ROBO1: variants seen among roughly 807,000 people sequenced by gnomAD.
The protein encoded by ROBO1 is roundabout guidance receptor 1, also known as roundabout homolog 1.
A neutral mutation model predicts 195.9 loss-of-function variants in ROBO1; 149 were observed. The observed-to-expected ratio is 0.76, with a 90% CI of 0.67 to 0.87. ROBO1 has a LOEUF of 0.87. Among genes scored for constraint, ROBO1 ranks in the 40% least tolerant of loss-of-function variants. The pLI is 0.00. For synonymous variants in ROBO1, 816 were observed against 733.2 expected (o/e 1.11, Z -1.82); for missense variants, 1,933 against 2,068.3 (o/e 0.93, Z 1.27).
rs1441076618 is a variant in ROBO1 at position 78,714,834 on chromosome 3, A to G, written c.918-310T>C. Reference sequence around the variant, plus strand: ...AGTGACCATTAATTAAATTCTTACCATTTGCCAGACTTTAAATGTTTTATA... The same window carrying G: ...AGTGACCATTAATTAAATTCTTACCGTTTGCCAGACTTTAAATGTTTTATA... On this transcript the variant is annotated intron_variant, in intron 7 of 30. Transcript: ENST00000464233. The G allele has an allele frequency of 1.1e-4, 25 of 226,680 alleles. No homozygotes were observed. In the East Asian group the frequency reaches 2.1e-3, roughly 19 times the overall value. 14.0% of individuals were successfully genotyped at this position (226,680 alleles called of 1,614,324 possible). A position where few individuals can be genotyped will look rare whatever the true frequency, so the allele number is the denominator to read the frequency against.
At chr3:79,293,638 C>G (rs1016552591) in intron 2 of ROBO1, among the ~76,000 whole-genome samples, 7 of 152,108 alleles carry the variant, frequency 4.6e-5, no homozygotes, top group African/African-American at 1.7e-4. Flanking sequence ...AGGACATGAA[C>G]AAATGGAGAA....
chr3:79,113,944 G>T (rs768470913), intron 3 of ROBO1, among the ~76,000 whole-genome samples: 8 of 152,092 alleles, frequency 5.3e-5, no homozygotes, highest in Non-Finnish European at 1.2e-4. Flanking sequence ...GCAATAATCC[G>T]CATGTGTCAA....
intron 2 of ROBO1, among the ~76,000 whole-genome samples, chr3:79,456,980 T>C (rs1393571736): frequency 6.6e-6 from 1 of 152,160 alleles, no homozygotes; most frequent in Admixed American, 6.6e-5. Context: ...TTTTTTCTTC[T>C]CAAGACCTAC....
At chr3:78,607,083 C>T in intron 28 of ROBO1, 42 bp from the exon 29 acceptor site, 1 of 1,532,806 alleles carries the variant, frequency 6.5e-7, no homozygotes, top group Non-Finnish European at 8.8e-7. Context: ...AAGTCTGCTG[C>T]TTATAAAATC....
intron 2 of ROBO1, among the ~76,000 whole-genome samples, chr3:79,359,660 T>C (rs1320704812): frequency 6.6e-6 from 1 of 151,998 alleles, no homozygotes; most frequent in Non-Finnish European, 1.5e-5. Flanking sequence ...AAACCAATTA[T>C]CGAAGCCTCA....
chr3:79,411,355 T>C (rs1029258539), intron 2 of ROBO1, among the ~76,000 whole-genome samples: 1 of 152,120 alleles, frequency 6.6e-6, no homozygotes, highest in Non-Finnish European at 1.5e-5. Flanking sequence ...AATGATCAAA[T>C]TGTGGAGGTA....
chr3:79,200,478 A>G (rs2081742337), intron 2 of ROBO1, among the ~76,000 whole-genome samples: 1 of 151,782 alleles, frequency 6.6e-6, no homozygotes, highest in Non-Finnish European at 1.5e-5. Context: ...CTCTTATAAC[A>G]TCAATCTAGA....
At chr3:79,517,532 A>T (rs1411936325) in intron 2 of ROBO1, among the ~76,000 whole-genome samples, 1 of 152,174 alleles carries the variant, frequency 6.6e-6, no homozygotes, top group Non-Finnish European at 1.5e-5. Flanking sequence ...TTATTTTAAC[A>T]TTCTTTCTGG....
chr3:79,353,808 G>A (rs2035437338), intron 2 of ROBO1, among the ~76,000 whole-genome samples: 1 of 152,160 alleles, frequency 6.6e-6, no homozygotes, highest in Admixed American at 6.5e-5. Context: ...ACTTTGTGAG[G>A]CCAAGGAGGG....
chr3:79,103,615 C>T (rs1008614459), intron 3 of ROBO1, among the ~76,000 whole-genome samples: 1 of 151,678 alleles, frequency 6.6e-6, no homozygotes, highest in Non-Finnish European at 1.5e-5. Context: ...TCAGACTACA[C>T]CTTTATGATT....
intron 8 of ROBO1, among the ~76,000 whole-genome samples, chr3:78,701,241 T>C (rs1176146558): frequency 6.6e-6 from 1 of 152,252 alleles, no homozygotes; most frequent in Non-Finnish European, 1.5e-5. Context: ...ACATATGTAT[T>C]GATACATTAG....
At chr3:78,843,142 A>C (rs553317372) in intron 4 of ROBO1, among the ~76,000 whole-genome samples, 41 of 152,218 alleles carry the variant, frequency 2.7e-4, no homozygotes, top group African/African-American at 9.9e-4. Flanking sequence ...TTTTAAAACT[A>C]GTAATTTGGG....
At chr3:79,201,045 T>A (rs2081753737) in intron 2 of ROBO1, among the ~76,000 whole-genome samples, 1 of 151,964 alleles carries the variant, frequency 6.6e-6, no homozygotes, top group Non-Finnish European at 1.5e-5. Context: ...TATGTCTAAT[T>A]CCTACATTGT....
chr3:79,700,231 ATAGG>A (rs911818837), intron 1 of ROBO1, among the ~76,000 whole-genome samples: 2 of 151,314 alleles, frequency 1.3e-5, no homozygotes, highest in African/African-American at 4.9e-5. Flanking sequence ...TCCACCAGTG[ATAGG>A]TAGCTAGGTT....
At chr3:78,856,359 G>A (rs1195688497) in intron 4 of ROBO1, among the ~76,000 whole-genome samples, 3 of 148,998 alleles carry the variant, frequency 2.0e-5, no homozygotes, top group Admixed American at 6.7e-5. Context: ...CATAAACAAA[G>A]TGAATAAACA....
intron 3 of ROBO1, among the ~76,000 whole-genome samples, chr3:78,989,801 A>C (rs886220877): frequency 5.9e-5 from 9 of 152,146 alleles, no homozygotes; most frequent in African/African-American, 1.9e-4. Flanking sequence ...ACTTCAAAAA[A>C]ACCCTATATA....
chr3:78,938,533 C>T (rs1415640326), intron 4 of ROBO1, 68 bp downstream of exon 4: 1 of 1,393,532 alleles, frequency 7.2e-7, no homozygotes, highest in Non-Finnish European at 9.7e-7. Context: ...CTTTTCATTG[C>T]CATGATCAAA....
chr3:79,259,957 G>A (rs538825073), intron 2 of ROBO1, among the ~76,000 whole-genome samples: 45 of 152,062 alleles, frequency 3.0e-4, no homozygotes, highest in Middle Eastern at 6.8e-3. Flanking sequence ...CTCTGAGACC[G>A]GAGGCAAATG....
chr3:78,742,771 T>C (rs1287585526), intron 5 of ROBO1, among the ~76,000 whole-genome samples: 1 of 152,218 alleles, frequency 6.6e-6, no homozygotes, highest in Non-Finnish European at 1.5e-5. Context: ...CATCATTTCA[T>C]AGTCATAGGT....
Sources: allele counts gnomAD v4.1 joint callset (sites outside exome capture counted in the v4.1 genomes callset), GRCh38; gene constraint gnomAD v4.1.1; transcripts MANE v1.5; gene names NCBI Gene and HGNC (gene_info 2026-07-23, HGNC 2026-07-21).